Variants in WDR27 observed in about 807,000 individuals in gnomAD.
WDR27 encodes the protein WD repeat domain 27.
Under a neutral mutation model 114.4 loss-of-function variants are expected in WDR27, and 100 were observed. The ratio of observed to expected loss-of-function variants is 0.87; its 90% CI spans 0.74 to 1.03. The LOEUF is 1.03. Ranked by LOEUF, WDR27 falls within the 50% of genes least tolerant of loss-of-function variation. The pLI is 0.00. For missense variants in WDR27, 1,129 were observed against 1,092.9 expected, an observed-to-expected ratio of 1.03 and a Z score of -0.47; for synonymous variants, 449 against 423.1, an observed-to-expected ratio of 1.06 and a Z score of -0.75.
chr6:169,464,059 G>C (rs1785231115), intron 25 of WDR27, among the ~76,000 whole-genome samples: 2 of 152,142 alleles, frequency 1.3e-5, no homozygotes, highest in Non-Finnish European at 2.9e-5. Flanking sequence ...ATGAAACTCT[G>C]AATAGTAAAA....
chr6:169,602,706 G>C (rs188464708), intron 22 of WDR27, among the ~76,000 whole-genome samples: 1 of 151,986 alleles, frequency 6.6e-6, no homozygotes, highest in Non-Finnish European at 1.5e-5. Flanking sequence ...ATCGAGGGTG[G>C]TTAAGTTTCA....
chr6:169,614,710 A>T (rs1811388200), intron 21 of WDR27, among the ~76,000 whole-genome samples: 1 of 152,042 alleles, frequency 6.6e-6, no homozygotes. Flanking sequence ...GAAAAGAAAA[A>T]GAAAAGAAAA....
At position 169,476,912 on chromosome 6, in the gene WDR27, T is replaced by C. The variant is rs567861678; in HGVS notation, c.2646-19278A>G. On this transcript the variant is annotated intron_variant, in intron 25 of 25. Coordinates refer to ENST00000448612, the MANE Select transcript of WDR27 (RefSeq NM_182552.5). ...GTTTTATCTCTACCAGTCATCACTC[T>C]TGTTTGTCTTTGTTATACTGGATAG... Among the ~76,000 whole-genome samples, 5 of 150,898 alleles carry C rather than the reference T, an allele frequency of 3.3e-5. No individual in the cohort carries two copies. The Admixed American group carries it at 3.3e-4, about 10-fold the overall frequency.
chr6:169,530,433 C>T (rs2860491), intron 25 of WDR27, among the ~76,000 whole-genome samples: 134,861 of 152,242 alleles, frequency 0.89, 60,817 homozygotes, highest in Non-Finnish European at 0.94. Context: ...TCTTGTTCTA[C>T]GTATCAACAT....
the WDR27 span, chr6:169,426,809 G>A: frequency 1.3e-5 from 2 of 152,684 alleles, no homozygotes; most frequent in African/African-American, 4.8e-5. Context: ...ACAGAGGTGT[G>A]AGGGGCCACA....
Position 169,623,579 on chromosome 6 carries a change from CA to C in WDR27, c.2223+9367del, listed in dbSNP as rs1298572069. On this transcript the variant is annotated intron_variant, in intron 21 of 25. Coordinates refer to ENST00000448612, the MANE Select transcript of WDR27 (RefSeq NM_182552.5). ...AGAAGTCACAGCCTGCGTACCCACT[CA>C]CATGCAGAGACAGTGAGGGTCCAGC... 5.9e-5 allele frequency among the ~76,000 whole-genome samples: 9 copies of C among 152,346 alleles called. No individual in the cohort carries two copies. The East Asian group carries it at 1.7e-3, about 29-fold the overall frequency.
chr6:169,443,738 C>T, the WDR27 span, among the ~76,000 whole-genome samples: 2 of 152,182 alleles, frequency 1.3e-5, no homozygotes, highest in African/African-American at 4.8e-5. Context: ...CAAGGACATG[C>T]ACATGAAGGT....
At chr6:169,589,206 T>C (rs1245362063) in intron 23 of WDR27, among the ~76,000 whole-genome samples, 1 of 152,218 alleles carries the variant, frequency 6.6e-6, no homozygotes, top group Non-Finnish European at 1.5e-5. Context: ...TTATAATGAC[T>C]GAGTCTCTTT....
chr6:169,530,821 G>A (rs996706902), intron 25 of WDR27, among the ~76,000 whole-genome samples: 4 of 152,224 alleles, frequency 2.6e-5, no homozygotes, highest in Non-Finnish European at 5.9e-5. Flanking sequence ...AGGAGGCATA[G>A]GTCTAAATTC....
intron 25 of WDR27, among the ~76,000 whole-genome samples, chr6:169,495,815 A>G (rs1476995220): frequency 6.6e-6 from 1 of 152,024 alleles, no homozygotes; most frequent in African/African-American, 2.4e-5. Flanking sequence ...GAATCTGATG[A>G]CTTCATTGGT....
chr6:169,577,686 C>T (rs978356512), intron 24 of WDR27, among the ~76,000 whole-genome samples: 9 of 152,200 alleles, frequency 5.9e-5, no homozygotes, highest in African/African-American at 2.2e-4. Context: ...GGGAAACCGG[C>T]CTTTTCCTCC....
At chr6:169,552,975 T>G (rs1306736798) in intron 25 of WDR27, among the ~76,000 whole-genome samples, 20 of 45,928 alleles carry the variant, frequency 4.4e-4, no homozygotes, top group African/African-American at 2.2e-3. Flanking sequence ...GCCTGCCCGG[T>G]GTGTGTGTGT....
chr6:169,659,429 A>T lies in WDR27; in HGVS notation c.1197+22T>A. ...TCAGAGGCACGTCTCATAGACAGGG[A>T]GGGCCGCGTCTCAGGACTGACCTTT... is the stretch of plus-strand genomic sequence containing the variant. On this transcript the variant is annotated intron_variant, in intron 11 of 25. Coordinates refer to ENST00000448612, the MANE Select transcript of WDR27 (RefSeq NM_182552.5). This position sits in a 1 kb window ranked among gnomAD's most constrained non-coding sequence, Gnocchi z 4.3. 6.2e-7 allele frequency: 1 copy of T among 1,603,414 alleles called. No individual in the cohort carries two copies. The highest frequency in any genetic ancestry group is 1.1e-5 in the South Asian group (1 of 89,454).
In WDR27 at chr6:169,581,864, G is replaced by C. The variant is rs80262977; in HGVS notation, c.2523+972C>G. ...CCGTTCCACCTGGTCACACGCGCTA[G>C]GCCAGAGCACACAGTCACACAGTGA... is the stretch of plus-strand genomic sequence containing the variant. On this transcript the variant is annotated intron_variant, in intron 24 of 25. Coordinates refer to ENST00000448612, the MANE Select transcript of WDR27 (RefSeq NM_182552.5). 1.4e-3 allele frequency among the ~76,000 whole-genome samples: 206 copies of C among 152,360 alleles called. 4 individuals carry two copies. The East Asian group carries it at 0.032, about 24-fold the overall frequency.
intron 25 of WDR27, among the ~76,000 whole-genome samples, chr6:169,496,854 A>T (rs1790471089): frequency 6.6e-6 from 1 of 152,110 alleles, no homozygotes; most frequent in Admixed American, 6.5e-5. Flanking sequence ...TTGTTAAAAT[A>T]TCTATATTAC....
chr6:169,633,115 G>A, intron 20 of WDR27, 47 bp from the exon 21 acceptor site: 3 of 1,538,384 alleles, frequency 2.0e-6, no homozygotes, highest in Non-Finnish European at 1.8e-6. Flanking sequence ...CTTACCCATG[G>A]GGAAGGGACA....
intron 23 of WDR27, among the ~76,000 whole-genome samples, chr6:169,586,971 T>A (rs1002679664): frequency 1.6e-4 from 24 of 150,768 alleles, no homozygotes; most frequent in Admixed American, 9.9e-4. Flanking sequence ...ATGAAAAGAT[T>A]GGCAGGTGGT....
chr6:169,544,042 G>A (rs1265461119), intron 25 of WDR27, among the ~76,000 whole-genome samples: 1 of 152,126 alleles, frequency 6.6e-6, no homozygotes, highest in Non-Finnish European at 1.5e-5. Flanking sequence ...AAAAGTATTT[G>A]GAAAAGGCAA....
intron 25 of WDR27, among the ~76,000 whole-genome samples, chr6:169,479,019 G>A (rs1266886672): frequency 1.3e-5 from 2 of 152,156 alleles, no homozygotes; most frequent in African/African-American, 4.8e-5. Flanking sequence ...TTTTGGCTAA[G>A]TCCCCTAAAG....
Sources: allele counts gnomAD v4.1 joint callset (sites outside exome capture counted in the v4.1 genomes callset), GRCh38; gene constraint gnomAD v4.1.1; non-coding constraint Gnocchi (gnomAD v3.1); transcripts MANE v1.5; gene names NCBI Gene and HGNC (gene_info 2026-07-23, HGNC 2026-07-21).